Variants in NSUN7 observed in about 807,000 individuals in gnomAD.
NSUN7 encodes the protein protein NSUN7.
NSUN7 carries 39 observed loss-of-function variants against 58.5 expected under a neutral mutation model. The ratio of observed to expected loss-of-function variants is 0.67; its 90% CI spans 0.52 to 0.87. The LOEUF (loss-of-function observed/expected upper bound fraction) is 0.87, where lower values mean the gene tolerates loss of function less well. NSUN7 is among the 40% of genes least tolerant of loss of function. The probability of loss-of-function intolerance (pLI) is 0.00; values close to 1 mark genes in which losing one functional copy is unlikely to be tolerated. For missense variants in NSUN7, 765 were observed against 844.1 expected (o/e 0.91, Z 1.16); for synonymous variants, 278 against 303.7 (o/e 0.92, Z 0.88).
chr4:40,752,279 GT>G (rs1740872634), intron 2 of NSUN7, among the ~76,000 whole-genome samples: 1 of 152,202 alleles, frequency 6.6e-6, no homozygotes, highest in African/African-American at 2.4e-5. Flanking sequence ...GTAGGAGGCA[GT>G]TAATTACTCA....
intron 2 of NSUN7, among the ~76,000 whole-genome samples, chr4:40,759,270 C>T (rs1055369466): frequency 1.3e-5 from 2 of 152,188 alleles, no homozygotes; most frequent in Admixed American, 6.5e-5. Context: ...GAGATTGTGC[C>T]ACTGCACTCC....
rs1297895008 is a variant in NSUN7, at chr4:40,808,910, C to T, written c.2128C>T (p.Leu710=). 1 of 1,531,890 alleles carries T rather than the reference C, an allele frequency of 6.5e-7. No individual in the cohort carries two copies. 94.9% of individuals were successfully genotyped at this position (1,531,890 alleles called of 1,614,324 possible). Residue 710 remains leucine (L), a synonymous_variant, in exon 12 of 12, where the codon CTA becomes TTA. Transcript: ENST00000381782. ...GCCTAAAGATGACACACCTTCCTCC[C>T]TACTCAGGCCTCCTCGGCGATGGCT... The part of the protein sequence containing the change: ...EKPKDDTPSS[L]LRPPRRWL
At chr4:40,795,820 A>G (rs1309171173) in intron 9 of NSUN7, among the ~76,000 whole-genome samples, 1 of 152,256 alleles carries the variant, frequency 6.6e-6, no homozygotes, top group Non-Finnish European at 1.5e-5. Context: ...TACAAATTAA[A>G]AATACCAAAA....
At position 40,809,318 on chromosome 4, in the gene NSUN7, G is replaced by A. The variant is rs1025810566; in HGVS notation, c.*379G>A. The A allele has an allele frequency of 2.4e-5, 4 of 169,098 alleles. No individual in the cohort carries two copies. Among genetic ancestry groups the A allele is most frequent in the Middle Eastern group, 2.5e-3 (1 of 400 alleles). 10.5% of individuals were successfully genotyped at this position (169,098 alleles called of 1,614,324 possible). On this transcript the variant is annotated 3_prime_UTR_variant, in exon 12 of 12. Coordinates refer to ENST00000381782, the MANE Select transcript of NSUN7 (RefSeq NM_024677.6). ...TCATTAGAAAGCCAAACAGGCAAAC[G>A]ATCCTGGCCTCTCCCGCCAGCTGAC...
chr4:40,767,822 A>AT lies in NSUN7; in HGVS notation c.489-6436dup, dbSNP rs1741807972. Among the ~76,000 whole-genome samples the AT allele has an allele frequency of 3.3e-5, 5 of 151,960 alleles. No individual in the cohort carries two copies. The South Asian group carries it at 1.0e-3, about 32-fold the overall frequency. On this transcript the variant is annotated intron_variant, in intron 4 of 11. Transcript: ENST00000381782. ...CTGCTTCTCTCGTAGTATCTGCTTC[A>AT]TTTTTTTCCTCTGCACATCTGCCTA...
In NSUN7 at chr4:40,807,118, T is replaced by C. The variant is rs1743837423; in HGVS notation, c.1458T>C (p.Asp486=). ...TAAAGGAAATTCAATTGTCTACTGA[T>C]AAATTTTTCAGAATGGAACCATCTG... ...CSLKEIQLST[D]KFFRMEPSEI... is the part of the protein sequence containing the mutation. Residue 486 remains aspartate (D), a synonymous_variant, in exon 11 of 12, where the codon GAT becomes GAC. Transcript: ENST00000381782. 1 of 1,551,386 alleles carries C rather than the reference T, an allele frequency of 6.4e-7. No homozygotes were observed. Among genetic ancestry groups the C allele is most frequent in the South Asian group, 1.2e-5 (1 of 84,014 alleles).
At position 40,809,674 on chromosome 4, in the gene NSUN7, A is replaced by G. The variant is rs1171368660; in HGVS notation, c.*735A>G. On this transcript the variant is annotated 3_prime_UTR_variant, in exon 12 of 12. Transcript: ENST00000381782. ...CATCTAAATATTAATAATTCTGAAG[A>G]AGAGGCAAAACTGTTGAATGCAAGC... 1 of 152,196 alleles carries G rather than the reference A, an allele frequency of 6.6e-6. No individual in the cohort carries two copies. The highest frequency in any genetic ancestry group is 1.5e-5 in the Non-Finnish European group (1 of 68,028). 9.4% of individuals were successfully genotyped at this position (152,196 alleles called of 1,614,324 possible).
At chr4:40,805,748 G>T (rs1743784721) in intron 10 of NSUN7, among the ~76,000 whole-genome samples, 1 of 152,138 alleles carries the variant, frequency 6.6e-6, no homozygotes, top group Non-Finnish European at 1.5e-5. Flanking sequence ...TGGGGCCTGT[G>T]CTGGAGAGGC....
At chr4:40,753,898 A>G (rs749161095) in intron 2 of NSUN7, among the ~76,000 whole-genome samples, 1 of 152,090 alleles carries the variant, frequency 6.6e-6, no homozygotes, top group Non-Finnish European at 1.5e-5. Context: ...GTCTGCCGCC[A>G]TGTGAGATGT....
At chr4:40,792,763 A>AAAAAAAG (rs1553919419) in intron 8 of NSUN7, among the ~76,000 whole-genome samples, 4 of 150,710 alleles carry the variant, frequency 2.7e-5, no homozygotes, top group African/African-American at 7.3e-5. Context: ...TAAAAAAAAA[A>AAAAAAAG]AAGTTGTCGT....
intron 2 of NSUN7, among the ~76,000 whole-genome samples, chr4:40,753,246 A>G (rs1322625621): frequency 1.3e-5 from 2 of 148,280 alleles, no homozygotes; most frequent in Non-Finnish European, 3.0e-5. Context: ...CCTATTTTCT[A>G]TTTTATGAAA....
chr4:40,766,237 T>C (rs1741717583), intron 4 of NSUN7, among the ~76,000 whole-genome samples: 1 of 151,914 alleles, frequency 6.6e-6, no homozygotes, highest in Non-Finnish European at 1.5e-5. Flanking sequence ...ATAGCTCTTA[T>C]TATTTTGAGA....
chr4:40,757,556 T>TTATA (rs558638656), intron 2 of NSUN7, among the ~76,000 whole-genome samples: 7 of 141,966 alleles, frequency 4.9e-5, no homozygotes, highest in African/African-American at 1.9e-4. Flanking sequence ...TATATAAAAA[T>TTATA]TATATATATA....
chr4:40,771,873 C>T (rs955628449), intron 4 of NSUN7, among the ~76,000 whole-genome samples: 1 of 151,668 alleles, frequency 6.6e-6, no homozygotes, highest in African/African-American at 2.4e-5. Context: ...AAAAGGACTT[C>T]TGGATCAAGA....
chr4:40,760,181 A>T (rs1367656635), intron 2 of NSUN7, among the ~76,000 whole-genome samples: 1 of 152,224 alleles, frequency 6.6e-6, no homozygotes, highest in African/African-American at 2.4e-5. Flanking sequence ...TCCTTTTATT[A>T]CTGCTTTGAC....
chr4:40,792,714 T>A (rs142714239), intron 8 of NSUN7, among the ~76,000 whole-genome samples: 1 of 151,904 alleles, frequency 6.6e-6, no homozygotes, highest in African/African-American at 2.4e-5. Flanking sequence ...ATCGCGCCAC[T>A]GCACTCCAGC....
At chr4:40,770,078 T>C (rs1741925061) in intron 4 of NSUN7, among the ~76,000 whole-genome samples, 1 of 151,874 alleles carries the variant, frequency 6.6e-6, no homozygotes, top group Non-Finnish European at 1.5e-5. Context: ...GGCGTGGTGG[T>C]GCATGCCTGT....
At chr4:40,806,574 AAAAGTGACTGGGAAGAATAATGTAATT>A (rs1335121394) in intron 10 of NSUN7, among the ~76,000 whole-genome samples, 7 of 152,224 alleles carry the variant, frequency 4.6e-5, no homozygotes, top group African/African-American at 1.7e-4. Flanking sequence ...TTAATCCTCA[AAAAGTGACTGGGAAGAATAATGTAATT>A]AAAGTGATAG....
chr4:40,760,585 G>T, intron 3 of NSUN7, 93 bp downstream of exon 3: 1 of 1,007,126 alleles, frequency 9.9e-7, no homozygotes, highest in Non-Finnish European at 1.5e-6. Flanking sequence ...GTTTGAGGCC[G>T]GGCGCAGTGG....
Sources: allele counts gnomAD v4.1 joint callset (sites outside exome capture counted in the v4.1 genomes callset), GRCh38; gene constraint gnomAD v4.1.1; transcripts MANE v1.5; gene names NCBI Gene and HGNC (gene_info 2026-07-23, HGNC 2026-07-21).